PIEZO2: variants seen among roughly 807,000 people sequenced by gnomAD.
PIEZO2 encodes the protein piezo type mechanosensitive ion channel component 2, also known as piezo-type mechanosensitive ion channel component 2.
In PIEZO2, 172 loss-of-function variants were observed where a neutral mutation model predicts 337.3. The ratio of observed to expected loss-of-function variants is 0.51; its 90% CI spans 0.45 to 0.58. The LOEUF (loss-of-function observed/expected upper bound fraction) is 0.58, where lower values mean the gene tolerates loss of function less well. Among genes scored for constraint, PIEZO2 ranks in the 20% least tolerant of loss-of-function variants. PIEZO2 has a pLI of 0.00. For synonymous variants in PIEZO2, 1,251 were observed against 1,228.5 expected, an observed-to-expected ratio of 1.02 and a Z score of -0.38; for missense variants, 3,028 against 3,391.3, an observed-to-expected ratio of 0.89 and a Z score of 2.66.
intron 3 of PIEZO2, among the ~76,000 whole-genome samples, chr18:10,959,980 G>C (rs77001773): frequency 2.0e-5 from 3 of 151,994 alleles, no homozygotes; most frequent in African/African-American, 7.2e-5. Flanking sequence ...CCTACTGTCA[G>C]GGAACCTTAA....
Position 11,066,221 on chromosome 18 carries a change from T to C in PIEZO2, c.66A>G (p.Ala22=), listed in dbSNP as rs2038145047. 6.6e-7 allele frequency: 1 copy of C among 1,518,024 alleles called. No homozygotes were observed. The highest frequency in any genetic ancestry group is 8.8e-7 in the Non-Finnish European group (1 of 1,134,914). 94.0% of individuals were successfully genotyped at this position (1,518,024 alleles called of 1,614,324 possible). ...AGAGCCCATTGTATCGGAATGCACA[T>C]GCTGTGGGTGGGAAGAGAGAAGAGA... ...RLLLPICLAV[A]CAFRYNGLSF... Residue 22 remains alanine, a splice_region_variant and synonymous_variant, in exon 2 of 56, where the codon GCA becomes GCG. Transcript: ENST00000674853.
chr18:11,135,841 C>G (rs1172025140), intron 1 of PIEZO2, among the ~76,000 whole-genome samples: 2 of 152,204 alleles, frequency 1.3e-5, no homozygotes, highest in Non-Finnish European at 2.9e-5. Context: ...GACTGGGATA[C>G]TTCTCCTTCC....
At chr18:10,997,501 C>T (rs2035369307) in intron 2 of PIEZO2, among the ~76,000 whole-genome samples, 1 of 151,976 alleles carries the variant, frequency 6.6e-6, no homozygotes, top group Admixed American at 6.6e-5. Context: ...TAACCAGGCT[C>T]CATGATGTAA....
chr18:10,990,037 A>G (rs1431314006), intron 2 of PIEZO2, among the ~76,000 whole-genome samples: 1 of 152,172 alleles, frequency 6.6e-6, no homozygotes, highest in Non-Finnish European at 1.5e-5. Context: ...AATTGGAGAT[A>G]TACTAATTTT....
In PIEZO2 at chr18:10,870,306, T is replaced by G. The variant is rs1353883077; in HGVS notation, c.492+947A>C. Among the ~76,000 whole-genome samples the G allele has an allele frequency of 6.6e-6, 1 of 152,284 alleles. No individual in the cohort carries two copies. On this transcript the variant is annotated intron_variant, in intron 5 of 55. Transcript: ENST00000674853. This position sits in a 1 kb window ranked among gnomAD's most constrained non-coding sequence, Gnocchi z 5.3. ...TAAATCATTTTCCATAAGTGAGAATTTTCCTCCCTCAATGGCTCATCGGTT... is the reference window on the plus strand; with the variant it reads ...TAAATCATTTTCCATAAGTGAGAATGTTCCTCCCTCAATGGCTCATCGGTT...
chr18:10,807,209 G>A lies in PIEZO2; in HGVS notation c.983C>T (p.Pro328Leu), dbSNP rs762063796. 22 of 1,537,094 alleles carry A rather than the reference G, an allele frequency of 1.4e-5. No homozygotes were observed. The highest frequency in any genetic ancestry group is 2.0e-5 in the Admixed American group (1 of 50,978). Residue 328 changes from proline to leucine, a missense_variant, in exon 8 of 56, where the codon CCG becomes CTG. Around this residue, in one of 5 missense-constraint regions of PIEZO2, gnomAD observed 542 missense variants for 605.6 expected, o/e 0.89. Transcript: ENST00000674853. ...GGCGTGGTGGTACCACGACAGGTCC[G>A]GGTTCACTATGATCTTCCAAGTACT... ...CSSTWKIIVN[P>L]DLSWYHHANP...
At chr18:11,135,866 C>A (rs2040469086) in intron 1 of PIEZO2, among the ~76,000 whole-genome samples, 1 of 152,290 alleles carries the variant, frequency 6.6e-6, no homozygotes, top group Non-Finnish European at 1.5e-5. Context: ...GAGATTAGCA[C>A]TGCATTATCA....
rs1160369285 is a variant in PIEZO2, at chr18:10,705,646, G to A, written c.5689C>T (p.Pro1897Ser). ...EQEEEAGSTA[P>S]EPREAKEYEA... Reference sequence around the variant, plus strand: ...TACTCCTTGGCCTCCCTGGGCTCAGGCGCCGTGCTCCCTGCCTCCTCCTCC... The same window carrying A: ...TACTCCTTGGCCTCCCTGGGCTCAGACGCCGTGCTCCCTGCCTCCTCCTCC... The change falls in exon 41 of 56, where the codon CCT becomes TCT. Residue 1897 changes from proline (P) to serine (S), a missense_variant. This residue lies in a region of PIEZO2 where 1,925 missense variants were observed against 2,051.9 expected (regional missense o/e 0.94). Transcript: ENST00000674853. The A allele has an allele frequency of 3.9e-6, 6 of 1,537,036 alleles. No homozygotes were observed. In the Admixed American group the frequency reaches 5.9e-5, roughly 15 times the overall value.
At chr18:11,091,383 C>CAAAAAAAAAAA (rs529307821) in intron 1 of PIEZO2, among the ~76,000 whole-genome samples, 1 of 77,864 alleles carries the variant, frequency 1.3e-5, no homozygotes, top group Non-Finnish European at 2.8e-5. Flanking sequence ...GACTCCGTCT[C>CAAAAAAAAAAA]AAAAAAAAAA....
rs2038625578 is a variant in PIEZO2 at position 11,078,393 on chromosome 18, A to G, written c.65-12171T>C. Among the ~76,000 whole-genome samples the G allele has an allele frequency of 6.6e-6, 1 of 152,340 alleles. No homozygotes were observed. The highest frequency in any genetic ancestry group is 1.5e-5 in the Non-Finnish European group (1 of 68,032). ...ATTAACACGAAAAGAAATCAATTCA[A>G]CTAACTATAATGCAGTCCTATTTCT... is the stretch of plus-strand genomic sequence containing the variant. On this transcript the variant is annotated intron_variant, in intron 1 of 55. Transcript: ENST00000674853. The surrounding 1 kb of genome is among the most constrained non-coding windows in gnomAD (Gnocchi z 5.3).
intron 33 of PIEZO2, chr18:10,739,582 C>G (rs1221767950): frequency 1.3e-5 from 2 of 152,090 alleles, no homozygotes; most frequent in African/African-American, 4.8e-5. Flanking sequence ...CCTTTAAAAA[C>G]ATAAAGAAAA....
intron 3 of PIEZO2, among the ~76,000 whole-genome samples, chr18:10,914,291 C>T (rs541288015): frequency 4.6e-5 from 7 of 150,952 alleles, no homozygotes; most frequent in South Asian, 4.2e-4. Context: ...TCAGGAAAAC[C>T]GAAACAGCAA....
At position 10,952,436 on chromosome 18, in the gene PIEZO2, T is replaced by A. The variant is rs991345200; in HGVS notation, c.286+27099A>T. Among the ~76,000 whole-genome samples the A allele has an allele frequency of 6.6e-6, 1 of 152,178 alleles. No homozygotes were observed. The highest frequency in any genetic ancestry group is 6.5e-5 in the Admixed American group (1 of 15,278). On this transcript the variant is annotated intron_variant, in intron 3 of 55. Coordinates refer to ENST00000674853, the MANE Select transcript of PIEZO2 (RefSeq NM_001378183.1). This position sits in a 1 kb window ranked among gnomAD's most constrained non-coding sequence, Gnocchi z 4.1. ...AATGATGCACTTTCTACCCTTACAG[T>A]TTCACTAATTATTGTAAATATAATC...
intron 15 of PIEZO2, among the ~76,000 whole-genome samples, chr18:10,787,489 C>T (rs570874397): frequency 5.7e-4 from 87 of 152,286 alleles, no homozygotes; most frequent in Admixed American, 2.9e-3. Flanking sequence ...TGCAAGCTAT[C>T]TGGCCCATAG....
At chr18:11,005,572 G>T (rs1198197285) in intron 2 of PIEZO2, among the ~76,000 whole-genome samples, 1 of 152,212 alleles carries the variant, frequency 6.6e-6, no homozygotes, top group Non-Finnish European at 1.5e-5. Flanking sequence ...GACAGGTGTA[G>T]ATTAGCGACT....
intron 1 of PIEZO2, among the ~76,000 whole-genome samples, chr18:11,124,975 A>T (rs920689397): frequency 5.3e-5 from 8 of 152,190 alleles, no homozygotes; most frequent in Non-Finnish European, 8.8e-5. Flanking sequence ...GACTCAAATT[A>T]AGTCCAGGTG....
At chr18:11,005,467 C>T (rs1003899325) in intron 2 of PIEZO2, among the ~76,000 whole-genome samples, 1 of 152,182 alleles carries the variant, frequency 6.6e-6, no homozygotes, top group Non-Finnish European at 1.5e-5. Context: ...CTTACTGCCT[C>T]TAGTTCACGC....
chr18:10,723,936 G>A (rs1295623657), intron 36 of PIEZO2, among the ~76,000 whole-genome samples: 1 of 152,206 alleles, frequency 6.6e-6, no homozygotes, highest in Non-Finnish European at 1.5e-5. Context: ...CAAATTGACT[G>A]AGGAAAAATG....
chr18:10,773,469 C>G lies in PIEZO2; in HGVS notation c.2728G>C (p.Glu910Gln). 1 of 1,537,468 alleles carries G rather than the reference C, an allele frequency of 6.5e-7. No individual in the cohort carries two copies. Residue 910 changes from glutamate to glutamine, a missense_variant, in exon 20 of 56, where the codon GAG becomes CAG. Coordinates refer to ENST00000674853, the MANE Select transcript of PIEZO2 (RefSeq NM_001378183.1). The surrounding 1 kb of genome is among the most constrained non-coding windows in gnomAD (Gnocchi z 5.3). The stretch of plus-strand genomic sequence containing the variant: ...TCTTCCTCTCCGTCCTCCTCTGACT[C>G]CTCGCTGTCTTTCCCAAGATCACCC... Reference protein sequence around the residue: ...QKGDLGKDSEESEEDGEEEEE... With the variant: ...QKGDLGKDSEQSEEDGEEEEE...
Sources: allele counts gnomAD v4.1 joint callset (sites outside exome capture counted in the v4.1 genomes callset), GRCh38; gene constraint gnomAD v4.1.1; regional missense constraint gnomAD v4.1.1; non-coding constraint Gnocchi (gnomAD v3.1); transcripts MANE v1.5; gene names NCBI Gene and HGNC (gene_info 2026-07-23, HGNC 2026-07-21).